CNOT1: variants seen among roughly 807,000 people sequenced by gnomAD.
CNOT1 encodes CCR4-NOT transcription complex subunit 1, also known as CCR4-associated factor 1.
A neutral mutation model predicts 273.8 loss-of-function variants in CNOT1; 15 were observed. That is an observed-to-expected ratio of 0.05 (90% confidence interval 0.04 to 0.08). CNOT1 has a LOEUF of 0.08. Ranked by LOEUF, CNOT1 falls within the 10% of genes least tolerant of loss-of-function variation. CNOT1 has a pLI of 1.00. For missense variants in CNOT1, 1,644 were observed against 2,912.2 expected (o/e 0.56, Z 10.02); for synonymous variants, 1,022 against 1,005.5 (o/e 1.02, Z -0.31).
At chr16:58,620,592 T>C (rs1350828248) in intron 1 of CNOT1, among the ~76,000 whole-genome samples, 2 of 142,098 alleles carry the variant, frequency 1.4e-5, no homozygotes, top group Non-Finnish European at 3.0e-5. Context: ...TGTATTGCAG[T>C]GAGCCAAGCT....
chr16:58,591,327 A>G (rs562678368), intron 2 of CNOT1, among the ~76,000 whole-genome samples: 13 of 152,364 alleles, frequency 8.5e-5, no homozygotes, highest in African/African-American at 2.9e-4. Context: ...TTTTTGTTTC[A>G]CTAGGATCAG....
At chr16:58,523,552 G>A (rs1197388236) in intron 46 of CNOT1, 50 bp from the exon 47 acceptor site, 2 of 1,589,856 alleles carry the variant, frequency 1.3e-6, no homozygotes, top group Non-Finnish European at 1.7e-6. Context: ...AGGCCAACAT[G>A]GGAAGACAGT....
intron 44 of CNOT1, 148 bp from the exon 45 acceptor site, chr16:58,526,286 T>C: frequency 1.3e-6 from 1 of 741,954 alleles, no homozygotes; most frequent in Non-Finnish European, 2.1e-6. Flanking sequence ...TTAATCAGTC[T>C]TTCTTTCTTT....
intron 47 of CNOT1, among the ~76,000 whole-genome samples, chr16:58,521,880 G>A (rs2039390018): frequency 6.6e-6 from 1 of 152,162 alleles, no homozygotes; most frequent in Admixed American, 6.5e-5. Context: ...GAACCCAGTA[G>A]GTGGAGGTTG....
At chr16:58,604,323 T>TTA (rs2042584268) in intron 1 of CNOT1, among the ~76,000 whole-genome samples, 1 of 152,218 alleles carries the variant, frequency 6.6e-6, no homozygotes, top group Admixed American at 6.5e-5. Flanking sequence ...ATTAATTATT[T>TTA]TAAGATCATT....
chr16:58,603,432 TGTGTGTGTGTGTGTGTG>T (rs1567438351), intron 1 of CNOT1, among the ~76,000 whole-genome samples: 5 of 150,390 alleles, frequency 3.3e-5, no homozygotes, highest in East Asian at 1.9e-4. Context: ...TGTGTGTGTG[TGTGTGTGTGTGTGTGTG>T]TGTGTGTGTG....
At chr16:58,528,050 T>A in intron 44 of CNOT1, 1 of 409,972 alleles carries the variant, frequency 2.4e-6, no homozygotes, top group South Asian at 1.8e-5. Context: ...GAAGGGGAGG[T>A]TGCAGTAAGC....
chr16:58,591,316 G>C (rs1201095917), intron 2 of CNOT1, among the ~76,000 whole-genome samples: 1 of 152,160 alleles, frequency 6.6e-6, no homozygotes, highest in Non-Finnish European at 1.5e-5. Context: ...AAAGTTTCAA[G>C]TTTTTGTTTC....
At chr16:58,556,618 C>T (rs1346710065) in intron 19 of CNOT1, among the ~76,000 whole-genome samples, 2 of 152,156 alleles carry the variant, frequency 1.3e-5, no homozygotes, top group Admixed American at 6.5e-5. Context: ...CTTTATCATA[C>T]CTACTTCTTA....
At chr16:58,595,743 G>T (rs561215089) in intron 2 of CNOT1, among the ~76,000 whole-genome samples, 63 of 152,250 alleles carry the variant, frequency 4.1e-4, no homozygotes, top group South Asian at 1.0e-3. Flanking sequence ...ACTCCTAGGG[G>T]TGACAGAGTC....
Position 58,560,272 on chromosome 16 carries a change from T to C in CNOT1, c.2070A>G (p.Gly690=), listed in dbSNP as rs1302407870. ...TAGGAGGACGTCCTTTTGGCATAACTCCAGGTGGTGGTTGTCTGGCCTTAT... is the reference window on the plus strand; with the variant it reads ...TAGGAGGACGTCCTTTTGGCATAACCCCAGGTGGTGGTTGTCTGGCCTTAT... ...VMNKARQPPP[G]VMPKGRPPSA... is the part of the protein sequence containing the mutation. Residue 690 remains glycine (G), a synonymous_variant, in exon 17 of 49, where the codon GGA becomes GGG. Transcript: ENST00000317147. The C allele has an allele frequency of 6.2e-7, 1 of 1,614,168 alleles. No homozygotes were observed. Among genetic ancestry groups the C allele is most frequent in the Non-Finnish European group, 8.5e-7 (1 of 1,180,038 alleles).
chr16:58,610,248 T>C (rs1430924881), intron 1 of CNOT1, among the ~76,000 whole-genome samples: 2 of 152,084 alleles, frequency 1.3e-5, no homozygotes, highest in Admixed American at 1.3e-4. Flanking sequence ...CAAAACCCCA[T>C]CTCTACTAAA....
intron 8 of CNOT1, among the ~76,000 whole-genome samples, chr16:58,583,830 T>C (rs2041738855): frequency 6.7e-6 from 1 of 150,072 alleles, no homozygotes. Context: ...TGAGCCACAA[T>C]GCCCAGCCTG....
Position 58,549,170 on chromosome 16 carries a change from C to G in CNOT1, c.3522+549G>C, listed in dbSNP as rs116195252. 2.6e-3 allele frequency among the ~76,000 whole-genome samples: 398 copies of G among 151,464 alleles called. 3 individuals are homozygous for G. Among genetic ancestry groups the G allele is most frequent in the African/African-American group, 9.0e-3 (370 of 41,278 alleles). On this transcript the variant is annotated intron_variant, in intron 25 of 48. Transcript: ENST00000317147. ...TGGGCATGGCGGTACAACTATAATCCCAGCTACTCGGGAGGCTGAAGTAAG... is the reference window on the plus strand; with the variant it reads ...TGGGCATGGCGGTACAACTATAATCGCAGCTACTCGGGAGGCTGAAGTAAG...
intron 21 of CNOT1, among the ~76,000 whole-genome samples, chr16:58,554,416 C>T (rs2040559837): frequency 6.6e-6 from 1 of 152,146 alleles, no homozygotes; most frequent in African/African-American, 2.4e-5. Flanking sequence ...GTAGTTTATG[C>T]CTATAATCCC....
At chr16:58,528,729 C>T in intron 43 of CNOT1, 81 bp from the exon 44 acceptor site, 1 of 925,500 alleles carries the variant, frequency 1.1e-6, no homozygotes, top group Non-Finnish European at 1.6e-6. Flanking sequence ...AAGCCCCCCA[C>T]CCCCCTCAAA....
At position 58,551,153 on chromosome 16, in the gene CNOT1, T is replaced by C; in HGVS notation, c.3321A>G (p.Ser1107=). The change falls in exon 24 of 49, where the codon TCA becomes TCG. Residue 1107 remains serine, a synonymous_variant. Transcript: ENST00000317147. ...EKIAFIFNNL[S]QSNMTQKVEE... ...TCACCTTTTGTGTCATATTTGACTG[T>C]GAGAGATTATTGAAAATAAAAGCAA... 1.2e-6 allele frequency: 2 copies of C among 1,607,894 alleles called. No homozygotes were observed. Among genetic ancestry groups the C allele is most frequent in the South Asian group, 1.1e-5 (1 of 88,942 alleles).
chr16:58,607,056 A>T (rs1449906727), intron 1 of CNOT1, among the ~76,000 whole-genome samples: 1 of 152,144 alleles, frequency 6.6e-6, no homozygotes, highest in African/African-American at 2.4e-5. Flanking sequence ...GTTAAATGTC[A>T]ACAAAAGTAT....
chr16:58,520,925 AGACT>A lies in CNOT1; in HGVS notation c.*29_*32del, dbSNP rs771844389. ...ATGAACTCGGTGCAGTGAGACCTCT[AGACT>A]GACACGTACAACAGAGATGCAGTTT... On this transcript the variant is annotated 3_prime_UTR_variant, in exon 49 of 49. Coordinates refer to ENST00000317147, the MANE Select transcript of CNOT1 (RefSeq NM_016284.5). 5 of 1,602,802 alleles carry A rather than the reference AGACT, an allele frequency of 3.1e-6. No homozygotes were observed. The African/African-American group carries it at 5.4e-5, about 17-fold the overall frequency.
Sources: gnomAD v4.1 joint callset for allele counts (sites outside exome capture counted in the v4.1 genomes callset) on GRCh38, gnomAD v4.1.1 for gene constraint, MANE v1.5 for transcripts, NCBI Gene and HGNC (gene_info 2026-07-23, HGNC 2026-07-21) for gene names.